CTNNA3: variants seen among roughly 807,000 people sequenced by gnomAD.
The protein encoded by CTNNA3 is catenin alpha-3.
In CTNNA3, 76 loss-of-function variants were observed where a neutral mutation model predicts 95.7. The ratio of observed to expected loss-of-function variants is 0.79; its 90% CI spans 0.66 to 0.96. The LOEUF is 0.96. Ranked by LOEUF, CTNNA3 falls within the 40% of genes least tolerant of loss-of-function variation. The probability of loss-of-function intolerance (pLI) is 0.00; values close to 1 mark genes in which losing one functional copy is unlikely to be tolerated. For missense variants in CTNNA3, 1,191 were observed against 1,089.8 expected (o/e 1.09, Z -1.31); for synonymous variants, 431 against 374.4 (o/e 1.15, Z -1.74).
intron 13 of CTNNA3, among the ~76,000 whole-genome samples, chr10:66,243,800 A>G (rs2090198714): frequency 6.6e-6 from 1 of 152,194 alleles, no homozygotes; most frequent in Non-Finnish European, 1.5e-5. Flanking sequence ...GAACCCAGTA[A>G]CCACCTGTTG....
intron 11 of CTNNA3, among the ~76,000 whole-genome samples, chr10:66,449,381 G>A (rs1455471769): frequency 4.6e-5 from 7 of 152,048 alleles, no homozygotes; most frequent in South Asian, 4.1e-4. Flanking sequence ...GAACGAACAC[G>A]TCAAATACCA....
At chr10:66,048,275 G>A (rs10996854) in intron 15 of CTNNA3, among the ~76,000 whole-genome samples, 50,713 of 151,956 alleles carry the variant, frequency 0.33, 8,458 homozygotes, top group South Asian at 0.42. Flanking sequence ...TACAGAAACC[G>A]ACAAATAGAC....
chr10:67,037,332 A>C (rs1219766669), intron 7 of CTNNA3, among the ~76,000 whole-genome samples: 1 of 151,732 alleles, frequency 6.6e-6, no homozygotes, highest in Non-Finnish European at 1.5e-5. Flanking sequence ...TTCAGCAGTT[A>C]CTATGTGGCA....
chr10:66,411,798 C>T (rs903083201), intron 11 of CTNNA3, among the ~76,000 whole-genome samples: 6 of 152,118 alleles, frequency 3.9e-5, no homozygotes, highest in Admixed American at 6.6e-5. Flanking sequence ...GGTTCTGAGA[C>T]ACAGCTTCTT....
At chr10:67,392,966 T>G (rs1589247731) in intron 5 of CTNNA3, among the ~76,000 whole-genome samples, 1 of 152,084 alleles carries the variant, frequency 6.6e-6, no homozygotes, top group East Asian at 1.9e-4. Context: ...AGATGATGAG[T>G]TAGTGGGTGC....
chr10:66,025,360 T>A (rs959696026), intron 15 of CTNNA3, among the ~76,000 whole-genome samples: 2 of 152,176 alleles, frequency 1.3e-5, no homozygotes, highest in African/African-American at 4.8e-5. Flanking sequence ...CAGGGGAAGC[T>A]TGGGAAACAG....
chr10:66,574,969 G>GA (rs1350506851), intron 10 of CTNNA3, among the ~76,000 whole-genome samples: 2 of 152,150 alleles, frequency 1.3e-5, no homozygotes, highest in African/African-American at 4.8e-5. Flanking sequence ...CAAGAACCTA[G>GA]AAAAAATGGT....
At chr10:67,708,854 C>A (rs1015379658) in intron 1 of CTNNA3, among the ~76,000 whole-genome samples, 2 of 152,036 alleles carry the variant, frequency 1.3e-5, no homozygotes, top group African/African-American at 2.4e-5. Context: ...CCCATCAGAA[C>A]TTATACTCTC....
At chr10:66,044,412 G>C in intron 15 of CTNNA3, among the ~76,000 whole-genome samples, 1 of 150,412 alleles carries the variant, frequency 6.6e-6, no homozygotes, top group Non-Finnish European at 1.5e-5. Context: ...TTTAATGTTT[G>C]TTTATCTTGA....
chr10:66,383,621 A>G (rs928849765), intron 11 of CTNNA3, among the ~76,000 whole-genome samples: 4 of 152,312 alleles, frequency 2.6e-5, no homozygotes, highest in Non-Finnish European at 5.9e-5. Flanking sequence ...CCTTGACAAG[A>G]GCAACCCCAA....
intron 7 of CTNNA3, among the ~76,000 whole-genome samples, chr10:66,919,388 T>C (rs1846674625): frequency 6.6e-6 from 1 of 152,168 alleles, no homozygotes; most frequent in Admixed American, 6.5e-5. Flanking sequence ...CCTTCATAAG[T>C]CTGCCACTGA....
rs562490506 is a variant in CTNNA3 at position 66,644,320 on chromosome 10, A to G, written c.1282-22536T>C. On this transcript the variant is annotated intron_variant, in intron 9 of 17. Transcript: ENST00000433211. ...TCTCTCTCTCTCTATATATATATAT[A>G]TATAAAATAATACTTTACATATATT... 7.1e-4 allele frequency among the ~76,000 whole-genome samples: 105 copies of G among 147,868 alleles called. 1 individual carries two copies. The highest frequency in any genetic ancestry group is 2.5e-3 in the African/African-American group (102 of 40,614).
At chr10:67,486,195 A>C (rs944064004) in intron 5 of CTNNA3, among the ~76,000 whole-genome samples, 14 of 152,222 alleles carry the variant, frequency 9.2e-5, no homozygotes, top group African/African-American at 3.4e-4. Flanking sequence ...ACAAGAATCT[A>C]CTTTAGCCAG....
intron 7 of CTNNA3, among the ~76,000 whole-genome samples, chr10:67,047,456 G>A (rs1029232523): frequency 2.6e-5 from 4 of 152,066 alleles, no homozygotes; most frequent in South Asian, 2.1e-4. Context: ...GAAAGGAGTC[G>A]GAGGGAAAGT....
chr10:67,643,710 T>C (rs1245391555), intron 2 of CTNNA3, among the ~76,000 whole-genome samples: 1 of 151,632 alleles, frequency 6.6e-6, no homozygotes, highest in African/African-American at 2.4e-5. Context: ...CAGGCCCCAG[T>C]ATGTGATGTT....
chr10:67,145,399 G>T (rs758526309), intron 7 of CTNNA3, among the ~76,000 whole-genome samples: 1 of 151,268 alleles, frequency 6.6e-6, no homozygotes, highest in Non-Finnish European at 1.5e-5. Context: ...GGTAATAAAG[G>T]AACTAAGCTG....
At chr10:66,176,428 C>T (rs529443230) in intron 13 of CTNNA3, among the ~76,000 whole-genome samples, 6 of 151,996 alleles carry the variant, frequency 3.9e-5, no homozygotes, top group East Asian at 1.9e-4. Context: ...AAAAGATGCT[C>T]TTACATAAAA....
In CTNNA3 at chr10:65,966,639, G is replaced by A. The variant is rs745392294; in HGVS notation, c.2373C>T (p.Asn791=). ...ICSQVKAEIQ[N]LGGELIMSAL... Reference sequence around the variant, plus strand: ...CTGACATGATGAGCTCTCCTCCCAGGTTCTGGATCTCAGCTTTAACTTGAC... The same window carrying A: ...CTGACATGATGAGCTCTCCTCCCAGATTCTGGATCTCAGCTTTAACTTGAC... Residue 791 remains asparagine, a synonymous_variant, in exon 17 of 18, where the codon AAC becomes AAT. Coordinates refer to ENST00000433211, the MANE Select transcript of CTNNA3 (RefSeq NM_013266.4). 1.9e-6 allele frequency: 3 copies of A among 1,613,794 alleles called. No homozygotes were observed. The highest frequency in any genetic ancestry group is 1.3e-5 in the African/African-American group (1 of 75,028).
At chr10:66,592,101 A>C (rs1454081131) in intron 10 of CTNNA3, among the ~76,000 whole-genome samples, 1 of 59,538 alleles carries the variant, frequency 1.7e-5, no homozygotes, top group Non-Finnish European at 2.6e-5. Flanking sequence ...CTAGCTTGGC[A>C]AAAAAAAAAA....
Sources: gnomAD v4.1 joint callset for allele counts (sites outside exome capture counted in the v4.1 genomes callset) on GRCh38, gnomAD v4.1.1 for gene constraint, MANE v1.5 for transcripts, NCBI Gene and HGNC (gene_info 2026-07-23, HGNC 2026-07-21) for gene names.